ASAH1: variants seen among roughly 807,000 people sequenced by gnomAD.
The protein encoded by ASAH1 is N-acylsphingosine amidohydrolase 1, also known as acid ceramidase.
In ASAH1, 70 loss-of-function variants were observed where a neutral mutation model predicts 59.5. That is an observed-to-expected ratio of 1.18 (90% confidence interval 0.97 to 1.43). ASAH1 has a LOEUF of 1.43. Among genes scored for constraint, ASAH1 ranks in the 40% most tolerant of loss-of-function variants. ASAH1 has a pLI of 0.00. For synonymous variants in ASAH1, 213 were observed against 166.5 expected (o/e 1.28, Z -2.15); for missense variants, 660 against 482.5 (o/e 1.37, Z -3.45).
Position 18,060,925 on chromosome 8 carries a change from G to T in ASAH1, c.785+452C>A, listed in dbSNP as rs539486810. The T allele has an allele frequency of 8.6e-5, 15 of 173,992 alleles. No individual in the cohort carries two copies. In the East Asian group the frequency reaches 1.6e-3, roughly 18 times the overall value. 10.8% of individuals were successfully genotyped at this position (173,992 alleles called of 1,614,324 possible). ...GTGTCACCATGCCTGGCTAATTTTT[G>T]TATTTTTTATAGAGACGGGGTTTCG... On this transcript the variant is annotated intron_variant, in intron 10 of 13. Transcript: ENST00000637790.
In ASAH1 at chr8:18,056,303, C is replaced by G. The variant is rs376637622; in HGVS notation, c.*1231G>C. The stretch of plus-strand genomic sequence containing the variant: ...AGTCATGTAAGAGTAAGATTGTGAC[C>G]GTTTAGTCATATTTAATAACCCACT... On this transcript the variant is annotated 3_prime_UTR_variant, in exon 14 of 14. Coordinates refer to ENST00000637790, the MANE Select transcript of ASAH1 (RefSeq NM_177924.5). 1 of 152,018 alleles carries G rather than the reference C, an allele frequency of 6.6e-6. No homozygotes were observed. Among genetic ancestry groups the G allele is most frequent in the Non-Finnish European group, 1.5e-5 (1 of 68,012 alleles). The allele number at this position is 152,018 out of a possible 1,614,324, so 9.4% of individuals were successfully genotyped here.
upstream of ASAH1, chr8:18,084,591 G>T: frequency 6.3e-7 from 1 of 1,588,098 alleles, no homozygotes; most frequent in Non-Finnish European, 8.6e-7. Context: ...CCCCACCGCG[G>T]AGTCAGGGAC....
At chr8:18,076,072 A>T in intron 1 of ASAH1, 1 of 196,948 alleles carries the variant, frequency 5.1e-6, no homozygotes, top group Non-Finnish European at 1.1e-5. Flanking sequence ...ATCTCCTGAC[A>T]CTCCCCTTAG....
intron 13 of ASAH1, chr8:18,058,624 A>G (rs990118406): frequency 3.4e-6 from 2 of 586,116 alleles, no homozygotes; most frequent in Non-Finnish European, 6.0e-6. Flanking sequence ...AGCTATAAAC[A>G]ATATTCTGAC....
intron 5 of ASAH1, 110 bp downstream of exon 5, chr8:18,067,110 C>CTGTATATCTAAGACATACAGCACCTGTGA: frequency 2.0e-6 from 1 of 491,792 alleles, no homozygotes; most frequent in Non-Finnish European, 2.8e-6. Context: ...TGCACCTGTG[C>CTGTATATCTAAGACATACAGCACCTGTGA]TGTATATCTA....
intron 8 of ASAH1, 116 bp from the exon 9 acceptor site, chr8:18,061,856 A>C: frequency 1.0e-6 from 1 of 965,032 alleles, no homozygotes; most frequent in Non-Finnish European, 1.6e-6. Context: ...TGGGGAAGGC[A>C]AAAATAAATC....
chr8:18,079,536 T>C (rs1350607310), intron 1 of ASAH1, among the ~76,000 whole-genome samples: 2 of 152,156 alleles, frequency 1.3e-5, no homozygotes, highest in Non-Finnish European at 2.9e-5. Context: ...CTTAAAATAT[T>C]TGAGCCCGAA....
At chr8:18,081,158 C>T (rs904746349) in intron 1 of ASAH1, among the ~76,000 whole-genome samples, 7 of 152,102 alleles carry the variant, frequency 4.6e-5, no homozygotes, top group African/African-American at 1.7e-4. Context: ...TTTCCTGGAA[C>T]GGATGCCACC....
At chr8:18,059,837 C>A (rs10448130) in intron 10 of ASAH1, 134 bp from the exon 11 acceptor site, 2 of 846,336 alleles carry the variant, frequency 2.4e-6, no homozygotes, top group African/African-American at 3.4e-5. Context: ...TAGGTACACA[C>A]GTGCCATGGT....
intron 2 of ASAH1, 126 bp from the exon 3 acceptor site, chr8:18,071,516 C>A: frequency 1.6e-6 from 1 of 640,002 alleles, no homozygotes; most frequent in Non-Finnish European, 2.8e-6. Flanking sequence ...TTACCCAAAC[C>A]AAAATTTGGA....
intron 5 of ASAH1, chr8:18,065,781 TTGATA>T (rs1213671913): frequency 1.3e-5 from 2 of 152,102 alleles, no homozygotes; most frequent in Non-Finnish European, 2.9e-5. Context: ...TGAAATAGTA[TTGATA>T]TAAGGGAAGA....
Position 18,056,279 on chromosome 8 carries a change from G to C in ASAH1, c.*1255C>G, listed in dbSNP as rs543469064. 6.6e-6 allele frequency: 1 copy of C among 152,298 alleles called. No individual in the cohort carries two copies. Among genetic ancestry groups the C allele is most frequent in the East Asian group, 1.9e-4 (1 of 5,182 alleles). 9.4% of individuals were successfully genotyped at this position (152,298 alleles called of 1,614,324 possible). On this transcript the variant is annotated 3_prime_UTR_variant, in exon 14 of 14. Coordinates refer to ENST00000637790, the MANE Select transcript of ASAH1 (RefSeq NM_177924.5). ...AGTATCTGGTTAAGAGGTGGTATCAGTCATGTAAGAGTAAGATTGTGACCG... is the reference window on the plus strand; with the variant it reads ...AGTATCTGGTTAAGAGGTGGTATCACTCATGTAAGAGTAAGATTGTGACCG...
At chr8:18,061,901 A>G in intron 8 of ASAH1, 161 bp from the exon 9 acceptor site, 1 of 759,106 alleles carries the variant, frequency 1.3e-6, no homozygotes, top group Non-Finnish European at 2.2e-6. Context: ...AGTTCAAAGC[A>G]TTTTTGATTC....
At chr8:18,081,067 T>G (rs761521164) in intron 1 of ASAH1, among the ~76,000 whole-genome samples, 1 of 152,146 alleles carries the variant, frequency 6.6e-6, no homozygotes, top group African/African-American at 2.4e-5. Context: ...GCTGGATGCC[T>G]CTCTGCCACC....
At chr8:18,075,627 T>A in intron 1 of ASAH1, 40 bp from the exon 2 acceptor site, 1 of 1,597,702 alleles carries the variant, frequency 6.3e-7, no homozygotes, top group Non-Finnish European at 8.6e-7. Context: ...AAATAACAAA[T>A]GCTTGCCAAC....
At chr8:18,059,972 T>G in intron 10 of ASAH1, 1 of 379,390 alleles carries the variant, frequency 2.6e-6, no homozygotes, top group Non-Finnish European at 5.0e-6. Context: ...GATGTTCCCC[T>G]CCCTGTGTTC....
chr8:18,059,753 T>G lies in ASAH1; in HGVS notation c.786-50A>C, dbSNP rs767986563. ...AAATGAAACTTTTTTTTAATTTTAG[T>G]AAATAACTTCATTTATTTTTAAATT... On this transcript the variant is annotated intron_variant, in intron 10 of 13. Transcript: ENST00000637790. 197 of 1,493,758 alleles carry G rather than the reference T, an allele frequency of 1.3e-4. 1 individual carries two copies. The South Asian group carries it at 1.7e-3, about 13-fold the overall frequency. 92.5% of individuals were successfully genotyped at this position (1,493,758 alleles called of 1,614,324 possible).
intron 1 of ASAH1, among the ~76,000 whole-genome samples, chr8:18,081,859 G>A (rs1196843394): frequency 6.6e-6 from 1 of 152,056 alleles, no homozygotes; most frequent in African/African-American, 2.4e-5. Context: ...CTTCTGTAAG[G>A]TTCTAAAGGT....
intron 5 of ASAH1, chr8:18,064,844 T>C (rs1279238763): frequency 3.5e-6 from 1 of 287,272 alleles, no homozygotes; most frequent in Non-Finnish European, 6.6e-6. Flanking sequence ...AGCGTAAATA[T>C]GATCATTTAA....
Sources: gnomAD v4.1 joint callset for allele counts (sites outside exome capture counted in the v4.1 genomes callset) on GRCh38, gnomAD v4.1.1 for gene constraint, MANE v1.5 for transcripts, NCBI Gene and HGNC (gene_info 2026-07-23, HGNC 2026-07-21) for gene names.